The following ZSWIM5 variants were observed in gnomAD, a reference collection of about 807,000 sequenced individuals.
ZSWIM5 encodes zinc finger SWIM domain-containing protein 5.
Under a neutral mutation model 119.6 loss-of-function variants are expected in ZSWIM5, and 55 were observed. The ratio of observed to expected loss-of-function variants is 0.46; its 90% CI spans 0.37 to 0.58. The LOEUF is 0.58. Ranked by LOEUF, ZSWIM5 falls within the 20% of genes least tolerant of loss-of-function variation. ZSWIM5 has a pLI of 0.00. For missense variants in ZSWIM5, 1,193 were observed against 1,512.8 expected (o/e 0.79, Z 3.51); for synonymous variants, 537 against 606.9 (o/e 0.88, Z 1.69).
chr1:45,119,094 C>G (rs1321254479), intron 1 of ZSWIM5, among the ~76,000 whole-genome samples: 2 of 152,138 alleles, frequency 1.3e-5, no homozygotes, highest in East Asian at 3.8e-4. Flanking sequence ...GGAAGAAAAG[C>G]AGCCAACAGG....
chr1:45,081,585 T>C (rs1446502927), intron 2 of ZSWIM5, among the ~76,000 whole-genome samples: 1 of 152,210 alleles, frequency 6.6e-6, no homozygotes, highest in Non-Finnish European at 1.5e-5. Context: ...GGTGCCGGGA[T>C]TGCAGACGGA....
chr1:45,132,266 T>G (rs1362788533), intron 1 of ZSWIM5, among the ~76,000 whole-genome samples: 2 of 152,102 alleles, frequency 1.3e-5, no homozygotes, highest in Non-Finnish European at 2.9e-5. Flanking sequence ...AAGATGCTAC[T>G]CAAAGAGATG....
In ZSWIM5 at chr1:45,190,927, ATTTTTTTTTTTTTTTT is replaced by A. The variant is rs746764436; in HGVS notation, c.595+14813_595+14828del. Among the ~76,000 whole-genome samples, 290 of 49,006 alleles carry A rather than the reference ATTTTTTTTTTTTTTTT, an allele frequency of 5.9e-3. 5 individuals carry two copies. Among genetic ancestry groups the A allele is most frequent in the Admixed American group, 8.0e-3 (28 of 3,504 alleles). The allele number at this position is 49,006 out of a possible 152,430, so 32.1% of individuals were successfully genotyped here. A position where few individuals can be genotyped will look rare whatever the true frequency, so the allele number is the denominator to read the frequency against. On this transcript the variant is annotated intron_variant, in intron 1 of 13. Coordinates refer to ENST00000359600, the MANE Select transcript of ZSWIM5 (RefSeq NM_020883.2). Reference sequence around the variant, plus strand: ...TCCATGTTCGACTGAAATAGCTGGAATTTTTTTTTTTTTTTTTTTTTTTTTTTTTTTTTTTTTGAGA... The same window carrying A: ...TCCATGTTCGACTGAAATAGCTGGAATTTTTTTTTTTTTTTTTTTTTGAGA...
rs1423854506 is a variant in ZSWIM5, at chr1:45,206,411, T to TGGCCAC, written c.-67_-62dup. 7.7e-7 allele frequency: 1 copy of TGGCCAC among 1,297,026 alleles called. No individual in the cohort carries two copies. Among genetic ancestry groups the TGGCCAC allele is most frequent in the Non-Finnish European group, 9.8e-7 (1 of 1,024,432 alleles). 80.3% of individuals were successfully genotyped at this position (1,297,026 alleles called of 1,614,324 possible). A position where few individuals can be genotyped will look rare whatever the true frequency, so the allele number is the denominator to read the frequency against. ...GCTGCTCGGGCTGCGGCGGAGACCC[T>TGGCCAC]GGCCACGGCCACGCGCCCCGCGCAA... On this transcript the variant is annotated 5_prime_UTR_variant, in exon 1 of 14. Transcript: ENST00000359600.
At chr1:45,041,708 T>C (rs1645019371) in intron 6 of ZSWIM5, among the ~76,000 whole-genome samples, 1 of 152,144 alleles carries the variant, frequency 6.6e-6, no homozygotes, top group Non-Finnish European at 1.5e-5. Flanking sequence ...GGATAATTTC[T>C]AGTATTTTAA....
chr1:45,043,139 G>A (rs949355830), intron 6 of ZSWIM5, 80 bp downstream of exon 6: 1 of 1,383,074 alleles, frequency 7.2e-7, no homozygotes, highest in African/African-American at 1.4e-5. Flanking sequence ...TTGAGTTGCA[G>A]GTACGTATGA....
Position 45,040,553 on chromosome 1 carries a change from G to T in ZSWIM5, c.1610-15C>A. 1.3e-6 allele frequency: 2 copies of T among 1,566,674 alleles called. No homozygotes were observed. The highest frequency in any genetic ancestry group is 1.7e-6 in the Non-Finnish European group (2 of 1,162,068). On this transcript the variant is annotated splice_polypyrimidine_tract_variant and intron_variant, in intron 6 of 13. Coordinates refer to ENST00000359600, the MANE Select transcript of ZSWIM5 (RefSeq NM_020883.2). ...AGGCACATGCTCTACCAAGTAAGAAGAAGATATTTTGGTCTAGTTAAAATT... is the reference window on the plus strand; with the variant it reads ...AGGCACATGCTCTACCAAGTAAGAATAAGATATTTTGGTCTAGTTAAAATT...
intron 1 of ZSWIM5, among the ~76,000 whole-genome samples, chr1:45,089,237 C>A (rs1463789319): frequency 1.3e-5 from 2 of 152,172 alleles, no homozygotes; most frequent in Non-Finnish European, 1.5e-5. Context: ...TTGGCTCAGC[C>A]TCCCAAAGTG....
chr1:45,080,655 G>A (rs1332685896), intron 2 of ZSWIM5, among the ~76,000 whole-genome samples: 2 of 151,834 alleles, frequency 1.3e-5, no homozygotes, highest in Non-Finnish European at 2.9e-5. Context: ...ATGGTTCTTA[G>A]ATTGGTGTCC....
chr1:45,132,424 G>GA (rs1370318496), intron 1 of ZSWIM5, among the ~76,000 whole-genome samples: 1 of 152,056 alleles, frequency 6.6e-6, no homozygotes, highest in Non-Finnish European at 1.5e-5. Flanking sequence ...CTGGGACACT[G>GA]TAGGCACAGT....
chr1:45,189,867 C>T (rs1342731400), intron 1 of ZSWIM5, among the ~76,000 whole-genome samples: 1 of 152,174 alleles, frequency 6.6e-6, no homozygotes, highest in Non-Finnish European at 1.5e-5. Context: ...TTTATCAACA[C>T]AAAGTAAAGT....
chr1:45,154,972 C>T (rs1044782588), intron 1 of ZSWIM5, among the ~76,000 whole-genome samples: 51 of 152,108 alleles, frequency 3.4e-4, no homozygotes, highest in African/African-American at 1.0e-3. Context: ...TGGAAAAACC[C>T]TTCCAGGCAA....
In ZSWIM5 at chr1:45,060,110, T is replaced by C. The variant is rs1196653025; in HGVS notation, c.1090A>G (p.Met364Val). ...TTTTCATATCTTACCTTGGCAAACA[T>C]TGAGTTGAGTTGCTTTCCAGAGCCA... The part of the protein sequence containing the change: ...YCGSGKQLNS[M>V]FAKVREMLRM... The change falls in exon 3 of 14, where the codon ATG (methionine) becomes GTG (valine). Residue 364 changes from methionine (M) to valine (V), a missense_variant. Coordinates refer to ENST00000359600, the MANE Select transcript of ZSWIM5 (RefSeq NM_020883.2). The C allele has an allele frequency of 3.7e-6, 6 of 1,614,154 alleles. No individual in the cohort carries two copies. The highest frequency in any genetic ancestry group is 5.1e-6 in the Non-Finnish European group (6 of 1,180,006).
chr1:45,166,943 A>T (rs958032571), intron 1 of ZSWIM5, among the ~76,000 whole-genome samples: 1 of 152,154 alleles, frequency 6.6e-6, no homozygotes, highest in Non-Finnish European at 1.5e-5. Context: ...GCTACCAATG[A>T]CTTTCTTCAC....
At chr1:45,152,263 A>G (rs1023655077) in intron 1 of ZSWIM5, among the ~76,000 whole-genome samples, 6 of 152,184 alleles carry the variant, frequency 3.9e-5, no homozygotes, top group African/African-American at 1.4e-4. Context: ...AAGAACAGAG[A>G]AGAGAAAGTC....
chr1:45,115,774 C>T (rs1285161310), intron 1 of ZSWIM5, among the ~76,000 whole-genome samples: 2 of 145,464 alleles, frequency 1.4e-5, no homozygotes, highest in African/African-American at 5.2e-5. Flanking sequence ...CCAGGCTGGG[C>T]GGCCAGGCAG....
intron 2 of ZSWIM5, among the ~76,000 whole-genome samples, chr1:45,078,480 C>T (rs1645268617): frequency 6.6e-6 from 1 of 152,208 alleles, no homozygotes; most frequent in Admixed American, 6.5e-5. Flanking sequence ...TCTGGGCAAC[C>T]ACAGGCAGAG....
chr1:45,061,339 TGG>T (rs1489773827), intron 2 of ZSWIM5, among the ~76,000 whole-genome samples: 1 of 151,952 alleles, frequency 6.6e-6, no homozygotes, highest in Non-Finnish European at 1.5e-5. Context: ...TGTGTATATA[TGG>T]GGTACAATGT....
intron 5 of ZSWIM5, among the ~76,000 whole-genome samples, chr1:45,045,165 C>G (rs2148995231): frequency 6.6e-6 from 1 of 151,804 alleles, no homozygotes; most frequent in Middle Eastern, 3.4e-3. Flanking sequence ...GTAGGAGGAC[C>G]AAATGGAAGA....
Sources: gnomAD v4.1 joint callset for allele counts (sites outside exome capture counted in the v4.1 genomes callset) on GRCh38, gnomAD v4.1.1 for gene constraint, MANE v1.5 for transcripts, NCBI Gene and HGNC (gene_info 2026-07-23, HGNC 2026-07-21) for gene names.